Variants in DNAJC5G observed in about 807,000 individuals in gnomAD.
DNAJC5G encodes DnaJ heat shock protein family (Hsp40) member C5 gamma.
Under a neutral mutation model 19.1 loss-of-function variants are expected in DNAJC5G, and 13 were observed. That is an observed-to-expected ratio of 0.68 (90% CI 0.44 to 1.08). The LOEUF (loss-of-function observed/expected upper bound fraction) is 1.08. Among genes scored for constraint, DNAJC5G ranks in the 50% least tolerant of loss-of-function variants. The pLI is 0.00. For synonymous variants in DNAJC5G, 81 were observed against 84.4 expected (o/e 0.96, Z 0.22); for missense variants, 245 against 230.4 (o/e 1.06, Z -0.41).
chr2:27,278,282 A>G lies in DNAJC5G; in HGVS notation c.470A>G (p.Asp157Gly). The change falls in exon 5 of 7, where the codon GAT (aspartate) becomes GGT (glycine). Residue 157 changes from aspartate (D) to glycine (G), a missense_variant. Asp to Gly is a moderately conservative substitution (Grantham distance 94). Coordinates refer to ENST00000296097, the MANE Select transcript of DNAJC5G (RefSeq NM_173650.3). ...CGALKPPPEQ[D>G]SGRKYQQNVQ... ...GCACTTAAACCACCACCTGAGCAGG[A>G]TAGTGGGAGAAAATATCAGCAGAAT... The G allele has an allele frequency of 6.2e-7, 1 of 1,614,156 alleles. No homozygotes were observed. Among genetic ancestry groups the G allele is most frequent in the Non-Finnish European group, 8.5e-7 (1 of 1,180,030 alleles).
At position 27,278,009 on chromosome 2, in the gene DNAJC5G, G is replaced by A. The variant is rs1678189379; in HGVS notation, c.369G>A (p.Trp123Ter). The change falls in exon 4 of 7, where the codon TGG (tryptophan) becomes TGA (stop). Residue 123 changes from tryptophan to a stop codon, truncating the protein, a stop_gained. Transcript: ENST00000296097. LOFTEE classifies it high-confidence loss of function. ...VRYYFILNSC[W>*]FKTLVILCTL... ...ACTATTTTATTCTGAATAGTTGTTG[G>A]TTCAAGGTACACAATTCTCCAGGTC... 6.2e-7 allele frequency: 1 copy of A among 1,613,904 alleles called. No homozygotes were observed. The highest frequency in any genetic ancestry group is 2.2e-5 in the East Asian group (1 of 44,894).
At position 27,277,829 on chromosome 2, in the gene DNAJC5G, C is replaced by G; in HGVS notation, c.189C>G (p.Asp63Glu). The G allele has an allele frequency of 6.2e-7, 1 of 1,614,158 alleles. No homozygotes were observed. Among genetic ancestry groups the G allele is most frequent in the East Asian group, 2.2e-5 (1 of 44,888 alleles). Reference sequence around the variant, plus strand: ...AACTGGCCTTGCGGTATCATCCCGACAAGAATCCAGGGAATGCTCAAGCAG... The same window carrying G: ...AACTGGCCTTGCGGTATCATCCCGAGAAGAATCCAGGGAATGCTCAAGCAG... ...GRKLALRYHP[D>E]KNPGNAQAAE... The change falls in exon 4 of 7, where the codon GAC (aspartate) becomes GAG (glutamate). Residue 63 changes from aspartate to glutamate, a missense_variant. By Grantham distance (45) the Asp-to-Glu change is conservative. Transcript: ENST00000296097.
At chr2:27,279,172 T>C (rs945614599) in intron 5 of DNAJC5G, among the ~76,000 whole-genome samples, 8 of 152,200 alleles carry the variant, frequency 5.3e-5, no homozygotes, top group African/African-American at 1.7e-4. Flanking sequence ...CACGACAAAC[T>C]GACAGTTTGA....
chr2:27,278,773 G>A (rs1462761361), intron 5 of DNAJC5G, among the ~76,000 whole-genome samples: 3 of 150,676 alleles, frequency 2.0e-5, no homozygotes, highest in Non-Finnish European at 3.0e-5. Flanking sequence ...TTGGGAGGCC[G>A]AGGCGGGCGG....
chr2:27,277,606 A>C (rs1678163238), intron 3 of DNAJC5G, 148 bp from the exon 4 acceptor site: 2 of 1,101,852 alleles, frequency 1.8e-6, no homozygotes, highest in Non-Finnish European at 2.6e-6. Flanking sequence ...CTTTGGGGCC[A>C]AATGGCACCA....
In DNAJC5G at chr2:27,277,819, A is replaced by G. The variant is rs370045452; in HGVS notation, c.179A>G (p.Tyr60Cys). 21 of 1,614,078 alleles carry G rather than the reference A, an allele frequency of 1.3e-5. No homozygotes were observed. The East Asian group carries it at 1.8e-4, about 14-fold the overall frequency. The stretch of plus-strand genomic sequence containing the variant: ...CTGGGTAGGAAACTGGCCTTGCGGT[A>G]TCATCCCGACAAGAATCCAGGGAAT... Reference protein sequence around the residue: ...YHLGRKLALRYHPDKNPGNAQ... With the variant: ...YHLGRKLALRCHPDKNPGNAQ... Residue 60 changes from tyrosine to cysteine, a missense_variant, in exon 4 of 7, where the codon TAT (tyrosine) becomes TGT (cysteine). Coordinates refer to ENST00000296097, the MANE Select transcript of DNAJC5G (RefSeq NM_173650.3).
At chr2:27,279,741 G>A (rs1268236185) in intron 5 of DNAJC5G, among the ~76,000 whole-genome samples, 1 of 144,030 alleles carries the variant, frequency 6.9e-6, no homozygotes, top group African/African-American at 2.6e-5. Context: ...ATGAAACCCA[G>A]TATCTACAAA....
At chr2:27,275,896 G>T (rs1027337481) in intron 1 of DNAJC5G, 2 of 34,098 alleles carry the variant, frequency 5.9e-5, no homozygotes, top group African/African-American at 2.0e-4. Context: ...CCCCGCCCCC[G>T]CCAGGCTCTA....
intron 4 of DNAJC5G, 82 bp from the exon 5 acceptor site, chr2:27,278,106 G>A: frequency 4.3e-6 from 7 of 1,609,388 alleles, no homozygotes; most frequent in South Asian, 3.3e-5. Flanking sequence ...CATTTTCTGG[G>A]TGCCAGGAGG....
intron 3 of DNAJC5G, among the ~76,000 whole-genome samples, chr2:27,277,449 A>G (rs1233780811): frequency 6.6e-6 from 1 of 151,670 alleles, no homozygotes; most frequent in Non-Finnish European, 1.5e-5. Context: ...TTTTTGGTAG[A>G]GACAGGGTTT....
intron 5 of DNAJC5G, 151 bp from the exon 6 acceptor site, chr2:27,280,015 C>T (rs1006651170): frequency 9.1e-6 from 6 of 658,328 alleles, no homozygotes; most frequent in East Asian, 2.6e-5. Flanking sequence ...TCATTCCCCC[C>T]CAAATGAACT....
chr2:27,277,578 A>G lies in DNAJC5G; in HGVS notation c.114-176A>G, dbSNP rs560846688. 7.9e-5 allele frequency among the ~76,000 whole-genome samples: 12 copies of G among 152,148 alleles called. No homozygotes were observed. The South Asian group carries it at 2.5e-3, about 32-fold the overall frequency. On this transcript the variant is annotated intron_variant, in intron 3 of 6. Transcript: ENST00000296097. ...CTCCCAGCCCTATGACCCATTTTTA[A>G]GTTCCAACAAGCCCTCACTTTGGGG...
chr2:27,277,687 C>G (rs1678166456), intron 3 of DNAJC5G, 67 bp from the exon 4 acceptor site: 1 of 1,581,744 alleles, frequency 6.3e-7, no homozygotes, highest in South Asian at 1.2e-5. Context: ...TGTACCACAT[C>G]TCATGCATTC....
At chr2:27,276,933 T>C in intron 3 of DNAJC5G, 92 bp downstream of exon 3, 1 of 1,108,994 alleles carries the variant, frequency 9.0e-7, no homozygotes, top group Non-Finnish European at 1.3e-6. Flanking sequence ...CTTTTTTTTT[T>C]TTTTTTTTTT....
At chr2:27,279,128 GA>G (rs909003882) in intron 5 of DNAJC5G, among the ~76,000 whole-genome samples, 13 of 148,588 alleles carry the variant, frequency 8.7e-5, no homozygotes, top group Middle Eastern at 3.4e-3. Flanking sequence ...ACAAAGTGAA[GA>G]AAAAAAAAAG....
At position 27,280,624 on chromosome 2, in the gene DNAJC5G, T is replaced by C. The variant is rs561110892; in HGVS notation, c.*214T>C. Reference sequence around the variant, plus strand: ...CTACCCTTGGTACCACAACTCTGTATGGGGTTGCCCAGCTACTCTTCCTTT... The same window carrying C: ...CTACCCTTGGTACCACAACTCTGTACGGGGTTGCCCAGCTACTCTTCCTTT... On this transcript the variant is annotated 3_prime_UTR_variant, in exon 7 of 7. Coordinates refer to ENST00000296097, the MANE Select transcript of DNAJC5G (RefSeq NM_173650.3). 18 of 160,930 alleles carry C rather than the reference T, an allele frequency of 1.1e-4. No individual in the cohort carries two copies. The highest frequency in any genetic ancestry group is 2.1e-4 in the Non-Finnish European group (15 of 72,752). The allele number at this position is 160,930 out of a possible 1,614,324, so 10.0% of individuals were successfully genotyped here.
chr2:27,278,107 T>C, intron 4 of DNAJC5G, 81 bp from the exon 5 acceptor site: 1 of 1,609,784 alleles, frequency 6.2e-7, no homozygotes, highest in Non-Finnish European at 8.5e-7. Context: ...ATTTTCTGGG[T>C]GCCAGGAGGA....
chr2:27,278,782 G>A (rs1194417598), intron 5 of DNAJC5G, among the ~76,000 whole-genome samples: 4 of 150,440 alleles, frequency 2.7e-5, no homozygotes, highest in Non-Finnish European at 4.4e-5. Context: ...CGAGGCGGGC[G>A]GATCACGAGG....
rs1678334811 is a variant in DNAJC5G at position 27,280,800 on chromosome 2, G to A, written c.*390G>A. 6.5e-6 allele frequency: 1 copy of A among 152,996 alleles called. No homozygotes were observed. The highest frequency in any genetic ancestry group is 2.0e-4 in the South Asian group (1 of 4,884). The allele number at this position is 152,996 out of a possible 1,614,324, so 9.5% of individuals were successfully genotyped here. A position where few individuals can be genotyped will look rare whatever the true frequency, so the allele number is the denominator to read the frequency against. On this transcript the variant is annotated 3_prime_UTR_variant, in exon 7 of 7. Coordinates refer to ENST00000296097, the MANE Select transcript of DNAJC5G (RefSeq NM_173650.3). ...ACCAATGCCAGCTGGTAGGATCCCT[G>A]AGCCCCTTGCGATATCACCACCAAG... is the stretch of plus-strand genomic sequence containing the variant.
Sources: allele counts gnomAD v4.1 joint callset (sites outside exome capture counted in the v4.1 genomes callset), GRCh38; gene constraint gnomAD v4.1.1; transcripts MANE v1.5; gene names NCBI Gene and HGNC (gene_info 2026-07-23, HGNC 2026-07-21).